Variants in TSPEAR observed in about 807,000 individuals in gnomAD.
TSPEAR encodes the protein thrombospondin type laminin G domain and EAR repeats, also known as thrombospondin-type laminin G domain and EAR repeat-containing protein.
TSPEAR carries 69 observed loss-of-function variants against 71.6 expected under a neutral mutation model. That is an observed-to-expected ratio of 0.96 (90% CI 0.79 to 1.18). The LOEUF (loss-of-function observed/expected upper bound fraction) is 1.18. Among genes scored for constraint, TSPEAR ranks in the 50% most tolerant of loss-of-function variants. TSPEAR has a pLI of 0.00. For synonymous variants in TSPEAR, 402 were observed against 387.2 expected (o/e 1.04, Z -0.45); for missense variants, 971 against 894.9 (o/e 1.09, Z -1.09).
intron 1 of TSPEAR, among the ~76,000 whole-genome samples, chr21:44,705,573 C>G (rs370387555): frequency 6.6e-6 from 1 of 152,194 alleles, no homozygotes; most frequent in South Asian, 2.1e-4. Flanking sequence ...GAACTGGCCC[C>G]CCCGGGGCGT....
chr21:44,672,777 T>A (rs1312686573), intron 1 of TSPEAR, among the ~76,000 whole-genome samples: 1 of 152,110 alleles, frequency 6.6e-6, no homozygotes, highest in Non-Finnish European at 1.5e-5. Flanking sequence ...GGGGGCAGAT[T>A]TCCCCCTTGC....
intron 1 of TSPEAR, chr21:44,702,871 C>G: frequency 1.2e-5 from 9 of 769,880 alleles, no homozygotes; most frequent in Non-Finnish European, 1.9e-5. Context: ...CCTCTCAGCA[C>G]ACGCACTAGT....
At position 44,522,134 on chromosome 21, in the gene TSPEAR, G is replaced by T. The variant is rs587606267; in HGVS notation, c.1337-22C>A. ...TCGCCTGGAACCAAGGGACTGTGCT[G>T]GGGGCAGGGAGGCAGATTCCACAGC... On this transcript the variant is annotated intron_variant, in intron 8 of 11. Transcript: ENST00000323084. 8 of 1,609,458 alleles carry T rather than the reference G, an allele frequency of 5.0e-6. No individual in the cohort carries two copies. In the South Asian group the frequency reaches 7.7e-5, roughly 16 times the overall value.
chr21:44,619,107 G>A (rs1982287993), intron 1 of TSPEAR, among the ~76,000 whole-genome samples: 1 of 152,178 alleles, frequency 6.6e-6, no homozygotes, highest in Non-Finnish European at 1.5e-5. Context: ...GAAGGTGCAA[G>A]CAGGAAGTGA....
chr21:44,677,705 T>G, intron 1 of TSPEAR: 1 of 1,426,660 alleles, frequency 7.0e-7, no homozygotes, highest in South Asian at 1.1e-5. Context: ...GTTTTTGGAG[T>G]TGTGAGGCAG....
At chr21:44,611,281 C>G (rs1431168187) in intron 1 of TSPEAR, among the ~76,000 whole-genome samples, 1 of 152,096 alleles carries the variant, frequency 6.6e-6, no homozygotes, top group Admixed American at 6.5e-5. Context: ...GTGGGAGGAA[C>G]CCAGGGGGAG....
At chr21:44,544,682 T>C (rs1303496929) in intron 2 of TSPEAR, among the ~76,000 whole-genome samples, 2 of 152,164 alleles carry the variant, frequency 1.3e-5, no homozygotes, top group African/African-American at 4.8e-5. Flanking sequence ...AGGAATGCTA[T>C]GTGCTGCCCG....
At chr21:44,682,807 C>T (rs1381436997) in intron 1 of TSPEAR, among the ~76,000 whole-genome samples, 1 of 152,134 alleles carries the variant, frequency 6.6e-6, no homozygotes, top group Non-Finnish European at 1.5e-5. Flanking sequence ...ATACAGTGAC[C>T]CAACTCTGCC....
In TSPEAR at chr21:44,538,362, G is replaced by C. The variant is rs587695541; in HGVS notation, c.304-4439C>G. Reference sequence around the variant, plus strand: ...TGAGAGTGTCGCTGACTGTGTGCCCGCACCGGCATCATCTGTGGGAACCCA... The same window carrying C: ...TGAGAGTGTCGCTGACTGTGTGCCCCCACCGGCATCATCTGTGGGAACCCA... On this transcript the variant is annotated intron_variant, in intron 2 of 11. Coordinates refer to ENST00000323084, the MANE Select transcript of TSPEAR (RefSeq NM_144991.3). 9.8e-4 allele frequency among the ~76,000 whole-genome samples: 148 copies of C among 150,704 alleles called. 1 individual carries two copies. The highest frequency in any genetic ancestry group is 3.4e-3 in the African/African-American group (137 of 40,892).
intron 1 of TSPEAR, among the ~76,000 whole-genome samples, chr21:44,606,300 T>A (rs1422670417): frequency 2.6e-5 from 4 of 151,702 alleles, no homozygotes; most frequent in African/African-American, 9.7e-5. Context: ...ATCAGGAAAA[T>A]GCACATTGAA....
At chr21:44,638,788 T>C (rs2838596) in intron 1 of TSPEAR, among the ~76,000 whole-genome samples, 23,712 of 151,366 alleles carry the variant, frequency 0.16, 2,016 homozygotes, top group Non-Finnish European at 0.2. Flanking sequence ...CTGGCAGCAC[T>C]CTGGGCCCCT....
intron 7 of TSPEAR, among the ~76,000 whole-genome samples, chr21:44,526,693 C>G (rs184230284): frequency 1.9e-4 from 29 of 152,350 alleles, no homozygotes; most frequent in African/African-American, 6.7e-4. Flanking sequence ...TCAGGAGGTG[C>G]TGTCTCTAGG....
At chr21:44,535,702 G>T (rs1194843586) in intron 2 of TSPEAR, among the ~76,000 whole-genome samples, 1 of 152,094 alleles carries the variant, frequency 6.6e-6, no homozygotes, top group African/African-American at 2.4e-5. Flanking sequence ...AAGTAGCTGG[G>T]ACTACAGGTG....
At chr21:44,652,963 T>G (rs1555941763) in intron 1 of TSPEAR, among the ~76,000 whole-genome samples, 1 of 151,990 alleles carries the variant, frequency 6.6e-6, no homozygotes, top group Admixed American at 6.6e-5. Flanking sequence ...AAAACCATCC[T>G]GGCTAACACG....
At chr21:44,555,442 A>C (rs1371858188) in intron 2 of TSPEAR, among the ~76,000 whole-genome samples, 1 of 152,186 alleles carries the variant, frequency 6.6e-6, no homozygotes, top group African/African-American at 2.4e-5. Flanking sequence ...CACATCCCAC[A>C]GGATGAGCCA....
At chr21:44,620,677 AGTCTTT>A (rs1982382237) in intron 1 of TSPEAR, among the ~76,000 whole-genome samples, 1 of 152,168 alleles carries the variant, frequency 6.6e-6, no homozygotes, top group Non-Finnish European at 1.5e-5. Flanking sequence ...TCTGCACTCT[AGTCTTT>A]ATTTTCTACC....
At chr21:44,529,689 G>T in intron 5 of TSPEAR, 109 bp downstream of exon 5, 1 of 1,254,172 alleles carries the variant, frequency 8.0e-7, no homozygotes, top group Non-Finnish European at 1.1e-6. Flanking sequence ...TGATGAGGGG[G>T]GCAGGCACAC....
At chr21:44,598,362 ACTT>A (rs1447346523) in intron 1 of TSPEAR, among the ~76,000 whole-genome samples, 1 of 152,182 alleles carries the variant, frequency 6.6e-6, no homozygotes, top group Non-Finnish European at 1.5e-5. Context: ...AGGAATAAAA[ACTT>A]CTACTCTCCT....
chr21:44,559,345 A>G (rs587618230), intron 2 of TSPEAR, among the ~76,000 whole-genome samples: 1 of 152,314 alleles, frequency 6.6e-6, no homozygotes, highest in Non-Finnish European at 1.5e-5. Context: ...GTGAGGGAAT[A>G]GTGTCTTCCT....
Sources: allele counts gnomAD v4.1 joint callset (sites outside exome capture counted in the v4.1 genomes callset), GRCh38; gene constraint gnomAD v4.1.1; transcripts MANE v1.5; gene names NCBI Gene and HGNC (gene_info 2026-07-23, HGNC 2026-07-21).